MUC22: variants seen among roughly 807,000 people sequenced by gnomAD.
MUC22 encodes the protein mucin-22.
In MUC22, 24 loss-of-function variants were observed where a neutral mutation model predicts 40.3. The observed-to-expected ratio is 0.60, with a 90% CI of 0.43 to 0.84. The LOEUF (loss-of-function observed/expected upper bound fraction) is 0.84, where lower values mean the gene tolerates loss of function less well. Among genes scored for constraint, MUC22 ranks in the 40% least tolerant of loss-of-function variants. MUC22 has a pLI of 0.00. For synonymous variants in MUC22, 765 were observed against 844.5 expected (o/e 0.91, Z 1.63); for missense variants, 1,926 against 2,130.7 (o/e 0.90, Z 1.89).
At chr6:31,027,610 A>C in exon 2 of MUC22, 2 of 1,526,824 alleles carry the variant, frequency 1.3e-6, no homozygotes, top group Non-Finnish European at 1.8e-6. Flanking sequence ...TGAGACCAAA[A>C]CAGCCTATAC....
At chr6:31,025,961 T>G in exon 2 of MUC22, 1 of 1,529,334 alleles carries the variant, frequency 6.5e-7, no homozygotes, top group Non-Finnish European at 8.7e-7. Context: ...GAGACCACCA[T>G]GGCCTCCACC....
At chr6:31,029,704 GCCA>G (rs1562618625) in exon 2 of MUC22, 18 of 1,367,712 alleles carry the variant, frequency 1.3e-5, no homozygotes, top group Non-Finnish European at 1.7e-5. Context: ...AGGCTCTGAG[GCCA>G]CCACCACCTC....
intron 1 of MUC22, among the ~76,000 whole-genome samples, chr6:31,024,964 G>T (rs4713418): frequency 2.0e-5 from 3 of 151,202 alleles, no homozygotes; most frequent in Non-Finnish European, 4.4e-5. Flanking sequence ...TCCGCCTTCC[G>T]GTTCAAGTGA....
chr6:31,017,232 G>A (rs9262479), intron 1 of MUC22, among the ~76,000 whole-genome samples: 22,578 of 152,178 alleles, frequency 0.15, 1,832 homozygotes, highest in African/African-American at 0.19. Context: ...GCCCAGGTGC[G>A]GGATCCACTA....
intron 2 of MUC22, among the ~76,000 whole-genome samples, chr6:31,030,358 A>C (rs563538207): frequency 2.6e-5 from 4 of 152,184 alleles, no homozygotes; most frequent in African/African-American, 9.6e-5. Context: ...TCTACTAAAA[A>C]TACAAAAAAT....
exon 2 of MUC22, chr6:31,026,945 C>G (rs764291665): frequency 6.7e-7 from 1 of 1,494,454 alleles, no homozygotes; most frequent in South Asian, 1.2e-5. Flanking sequence ...GGCTCTGAGA[C>G]CACTGCAGCC....
intron 1 of MUC22, among the ~76,000 whole-genome samples, chr6:31,022,524 A>G (rs1764932259): frequency 6.6e-6 from 1 of 151,908 alleles, no homozygotes; most frequent in African/African-American, 2.4e-5. Context: ...AAAAGAATGA[A>G]GTGTGCTGGA....
chr6:31,007,533 G>A (rs1009773077), upstream of MUC22, among the ~76,000 whole-genome samples: 1 of 152,158 alleles, frequency 6.6e-6, no homozygotes, highest in African/African-American at 2.4e-5. This position sits in a 1 kb window ranked among gnomAD's most constrained non-coding sequence, Gnocchi z 4.0. Context: ...AAAATTAGAA[G>A]GGAAAGCAGA....
intron 2 of MUC22, among the ~76,000 whole-genome samples, chr6:31,031,917 G>T (rs1329043366): frequency 1.3e-5 from 2 of 152,058 alleles, no homozygotes; most frequent in Non-Finnish European, 2.9e-5. Context: ...TTCCACTTCT[G>T]AACCCATCGC....
chr6:31,028,044 A>G, exon 2 of MUC22: 1 of 1,534,042 alleles, frequency 6.5e-7, no homozygotes, highest in Non-Finnish European at 8.7e-7. Context: ...CCTCTACTAC[A>G]GGCTCTGAGA....
intron 1 of MUC22, among the ~76,000 whole-genome samples, chr6:31,024,719 G>A (rs1257564763): frequency 2.6e-5 from 4 of 152,072 alleles, no homozygotes; most frequent in Admixed American, 6.6e-5. Flanking sequence ...TCTCTCTACC[G>A]CCTCGTTTTC....
At chr6:31,023,564 A>G (rs1253309640) in intron 1 of MUC22, among the ~76,000 whole-genome samples, 1 of 152,182 alleles carries the variant, frequency 6.6e-6, no homozygotes, top group Non-Finnish European at 1.5e-5. Context: ...ATCAGACCCA[A>G]CGTATTTATA....
At chr6:31,009,358 C>T (rs1403865241), upstream of MUC22, among the ~76,000 whole-genome samples, 3 of 152,184 alleles carry the variant, frequency 2.0e-5, no homozygotes, top group Non-Finnish European at 4.4e-5. Context: ...TGAGCCACCG[C>T]ACCCGGCCAA....
intron 2 of MUC22, among the ~76,000 whole-genome samples, chr6:31,031,874 A>G (rs1234327296): frequency 6.6e-6 from 1 of 152,108 alleles, no homozygotes; most frequent in African/African-American, 2.4e-5. Context: ...ACCCTCTTCT[A>G]TTTGGGTGGC....
At chr6:31,022,473 T>C (rs1764921436) in intron 1 of MUC22, among the ~76,000 whole-genome samples, 1 of 151,962 alleles carries the variant, frequency 6.6e-6, no homozygotes, top group Non-Finnish European at 1.5e-5. Flanking sequence ...TTTTTTTAAA[T>C]GTAAAAGTTC....
At chr6:31,034,940 G>C (rs1766343846) in exon 4 of MUC22, 1 of 1,534,968 alleles carries the variant, frequency 6.5e-7, no homozygotes, top group South Asian at 1.2e-5. Context: ...GGCCACTGAG[G>C]ACACCATGGA....
chr6:31,010,295 G>A (rs749510743), upstream of MUC22, among the ~76,000 whole-genome samples: 5 of 151,942 alleles, frequency 3.3e-5, no homozygotes, highest in Non-Finnish European at 7.4e-5. Flanking sequence ...TCATGTGTGC[G>A]CCCTCTGGTC....
exon 2 of MUC22, chr6:31,029,420 C>G (rs375120445): frequency 6.5e-7 from 1 of 1,535,010 alleles, no homozygotes. Context: ...ACAGCCTCTA[C>G]CGCAGATTTG....
intron 2 of MUC22, among the ~76,000 whole-genome samples, chr6:31,031,680 C>T (rs1766075900): frequency 6.6e-6 from 1 of 152,100 alleles, no homozygotes; most frequent in African/African-American, 2.4e-5. Flanking sequence ...ACTCTTCCCC[C>T]AAAGTCCCCA....
Sources: allele counts gnomAD v4.1 joint callset (sites outside exome capture counted in the v4.1 genomes callset), GRCh38; gene constraint gnomAD v4.1.1; non-coding constraint Gnocchi (gnomAD v3.1); transcripts MANE v1.5; gene names NCBI Gene and HGNC (gene_info 2026-07-23, HGNC 2026-07-21).